The following SEPTIN11 variants were observed in gnomAD, a reference collection of about 807,000 sequenced individuals.
The protein encoded by SEPTIN11 is septin 11, also known as septin-11.
In SEPTIN11, 25 loss-of-function variants were observed where a neutral mutation model predicts 51.4. The ratio of observed to expected loss-of-function variants is 0.49; its 90% CI spans 0.35 to 0.68. SEPTIN11 has a LOEUF of 0.68. SEPTIN11 is among the 30% of genes least tolerant of loss of function. The probability of loss-of-function intolerance (pLI) is 0.00; values close to 1 mark genes in which losing one functional copy is unlikely to be tolerated. For synonymous variants in SEPTIN11, 174 were observed against 184.1 expected, an observed-to-expected ratio of 0.95 and a Z score of 0.44; for missense variants, 381 against 520.8, an observed-to-expected ratio of 0.73 and a Z score of 2.61.
intron 2 of SEPTIN11, among the ~76,000 whole-genome samples, chr4:76,999,409 G>A (rs1723962321): frequency 6.6e-6 from 1 of 152,158 alleles, no homozygotes; most frequent in South Asian, 2.1e-4. Context: ...TAACTTAACA[G>A]CATCCATGGT....
intron 2 of SEPTIN11, 35 bp from the exon 3 acceptor site, chr4:77,005,566 A>G (rs765556089): frequency 1.3e-6 from 2 of 1,566,408 alleles, no homozygotes; most frequent in East Asian, 2.3e-5. Flanking sequence ...AGAGACATTG[A>G]CACATTCTCT....
intron 1 of SEPTIN11, among the ~76,000 whole-genome samples, chr4:76,957,389 T>C (rs1269834986): frequency 6.6e-6 from 1 of 152,152 alleles, no homozygotes; most frequent in Admixed American, 6.5e-5. Context: ...AAATGTGGGC[T>C]CTGGAGCCAG....
chr4:76,995,981 C>T, intron 1 of SEPTIN11: 2 of 1,510,496 alleles, frequency 1.3e-6, no homozygotes, highest in Non-Finnish European at 1.8e-6. Context: ...ATGAATCCTC[C>T]ACTGTGAGCT....
At chr4:76,976,704 G>A (rs2109909301) in intron 1 of SEPTIN11, among the ~76,000 whole-genome samples, 1 of 152,316 alleles carries the variant, frequency 6.6e-6, no homozygotes, top group East Asian at 1.9e-4. Flanking sequence ...AATACCTCTA[G>A]TGAGGTTTTA....
intron 1 of SEPTIN11, among the ~76,000 whole-genome samples, chr4:76,956,167 T>C (rs2645697): frequency 0.099 from 15,055 of 152,234 alleles, 1,275 homozygotes; most frequent in East Asian, 0.23. Context: ...TGACCTGCTG[T>C]TGGAGGGCAA....
chr4:76,966,251 A>G (rs1161685525), intron 1 of SEPTIN11, among the ~76,000 whole-genome samples: 1 of 152,214 alleles, frequency 6.6e-6, no homozygotes, highest in Non-Finnish European at 1.5e-5. Context: ...GAATTCTCTC[A>G]TGAAATGAGT....
chr4:77,019,142 T>G, intron 5 of SEPTIN11, 23 bp from the exon 6 acceptor site: 1 of 1,603,888 alleles, frequency 6.2e-7, no homozygotes. Context: ...AAAGTAACTA[T>G]TCTCTGTCCT....
In SEPTIN11 at chr4:76,966,829, A is replaced by G. The variant is rs573389457; in HGVS notation, c.27+16899A>G. Among the ~76,000 whole-genome samples, 53 of 152,170 alleles carry G rather than the reference A, an allele frequency of 3.5e-4. 1 individual carries two copies. The South Asian group carries it at 0.011, about 31-fold the overall frequency. On this transcript the variant is annotated intron_variant, in intron 1 of 9. Transcript: ENST00000264893. ...CAGTGAGCCGAGATTGTGCCACTGT[A>G]CTCCAGCCTGGGAGACAGAGGGAGC...
In SEPTIN11 at chr4:77,035,204, A is replaced by G; in HGVS notation, c.*692A>G. The G allele has an allele frequency of 1.0e-6, 1 of 985,446 alleles. No homozygotes were observed. Among genetic ancestry groups the G allele is most frequent in the Non-Finnish European group, 1.2e-6 (1 of 829,936 alleles). 61.0% of individuals were successfully genotyped at this position (985,446 alleles called of 1,614,324 possible). A position where few individuals can be genotyped will look rare whatever the true frequency, so the allele number is the denominator to read the frequency against. ...AGACTGGTATGAGAAAACTATGATTAGTTCACATTTACTGGTGCATCCTTG... is the reference window on the plus strand; with the variant it reads ...AGACTGGTATGAGAAAACTATGATTGGTTCACATTTACTGGTGCATCCTTG... On this transcript the variant is annotated 3_prime_UTR_variant, in exon 10 of 10. Transcript: ENST00000264893.
chr4:76,971,902 T>G (rs1394112411), intron 1 of SEPTIN11, among the ~76,000 whole-genome samples: 1 of 152,242 alleles, frequency 6.6e-6, no homozygotes, highest in Non-Finnish European at 1.5e-5. Context: ...CTCTGCATTG[T>G]CTTCTTAAAA....
chr4:76,992,918 G>A (rs1723462291), intron 1 of SEPTIN11, among the ~76,000 whole-genome samples: 1 of 152,184 alleles, frequency 6.6e-6, no homozygotes, highest in Non-Finnish European at 1.5e-5. Context: ...AGTGTAAGGT[G>A]CTCCCTGGGG....
chr4:77,023,971 T>G (rs1426323195), intron 7 of SEPTIN11, among the ~76,000 whole-genome samples: 1 of 152,202 alleles, frequency 6.6e-6, no homozygotes, highest in Non-Finnish European at 1.5e-5. Flanking sequence ...GCACAGGATT[T>G]CTGCATGGGT....
At chr4:76,996,024 T>C in intron 1 of SEPTIN11, 2 of 1,256,544 alleles carry the variant, frequency 1.6e-6, no homozygotes, top group Non-Finnish European at 2.2e-6. Flanking sequence ...TGGAAGAGTG[T>C]TAAATATTTT....
chr4:76,979,666 C>A (rs368390732), intron 1 of SEPTIN11, among the ~76,000 whole-genome samples: 71 of 152,040 alleles, frequency 4.7e-4, no homozygotes, highest in African/African-American at 1.6e-3. Flanking sequence ...GGCGGATCAC[C>A]TGAGGTCAGG....
At chr4:76,992,323 T>A (rs1350077612) in intron 1 of SEPTIN11, among the ~76,000 whole-genome samples, 1 of 152,194 alleles carries the variant, frequency 6.6e-6, no homozygotes, top group Non-Finnish European at 1.5e-5. Flanking sequence ...TCTATTTTAA[T>A]GTATTGGATT....
chr4:76,976,778 A>G (rs1331779299), intron 1 of SEPTIN11, among the ~76,000 whole-genome samples: 2 of 152,110 alleles, frequency 1.3e-5, no homozygotes, highest in Non-Finnish European at 2.9e-5. Context: ...TCCCATTGCA[A>G]ATGTTAGAAT....
At chr4:76,959,183 G>T in intron 1 of SEPTIN11, 1 of 430,288 alleles carries the variant, frequency 2.3e-6, no homozygotes, top group Non-Finnish European at 4.5e-6. Flanking sequence ...GGCTGCTGGG[G>T]TCTGATGAGC....
intron 8 of SEPTIN11, 32 bp from the exon 9 acceptor site, chr4:77,030,751 A>C: frequency 6.4e-7 from 1 of 1,562,874 alleles, no homozygotes; most frequent in Non-Finnish European, 8.6e-7. Flanking sequence ...TTTTCATTCC[A>C]TTCACCAAGC....
At chr4:77,023,521 ATT>A (rs1725890918) in intron 7 of SEPTIN11, among the ~76,000 whole-genome samples, 1 of 152,012 alleles carries the variant, frequency 6.6e-6, no homozygotes, top group Non-Finnish European at 1.5e-5. Context: ...CAGGTTTTCC[ATT>A]TCAACTGGAA....
Sources: gnomAD v4.1 joint callset for allele counts (sites outside exome capture counted in the v4.1 genomes callset) on GRCh38, gnomAD v4.1.1 for gene constraint, MANE v1.5 for transcripts, NCBI Gene and HGNC (gene_info 2026-07-23, HGNC 2026-07-21) for gene names.